FCHSD2: variants seen among roughly 807,000 people sequenced by gnomAD.
FCHSD2 encodes the protein F-BAR and double SH3 domains protein 2.
FCHSD2 carries 38 observed loss-of-function variants against 108.1 expected under a neutral mutation model. That is an observed-to-expected ratio of 0.35 (90% CI 0.27 to 0.46). The LOEUF (loss-of-function observed/expected upper bound fraction) is 0.46. FCHSD2 is among the 20% of genes least tolerant of loss of function. The probability of loss-of-function intolerance (pLI) is 1.00; values close to 1 mark genes in which losing one functional copy is unlikely to be tolerated. For synonymous variants in FCHSD2, 279 were observed against 314.7 expected (o/e 0.89, Z 1.20); for missense variants, 751 against 897.8 (o/e 0.84, Z 2.09).
chr11:73,122,200 A>C (rs1860750689), intron 2 of FCHSD2, among the ~76,000 whole-genome samples: 1 of 152,198 alleles, frequency 6.6e-6, no homozygotes. Flanking sequence ...TGTAGCTCAA[A>C]GCCAAATCAA....
intron 8 of FCHSD2, among the ~76,000 whole-genome samples, chr11:72,948,513 G>A (rs1278277687): frequency 6.6e-6 from 1 of 152,018 alleles, no homozygotes; most frequent in East Asian, 1.9e-4. Flanking sequence ...AAAGAATATA[G>A]TTTATTTTAA....
intron 2 of FCHSD2, among the ~76,000 whole-genome samples, chr11:73,113,453 C>G (rs1860538070): frequency 7.5e-6 from 1 of 132,932 alleles, no homozygotes; most frequent in African/African-American, 2.8e-5. Context: ...ACTGCAACCT[C>G]TGCATCCTGG....
In FCHSD2 at chr11:72,840,154, C is replaced by T. The variant is rs895969304; in HGVS notation, c.2139+723G>A. ...TCCATCCGCCTCTTAGCTGCCATAG[C>T]GATGCTTTAAAAATGCACCAGCCAC... is the stretch of plus-strand genomic sequence containing the variant. On this transcript the variant is annotated intron_variant, in intron 19 of 19. Coordinates refer to ENST00000409418, the MANE Select transcript of FCHSD2 (RefSeq NM_014824.3). Among the ~76,000 whole-genome samples the T allele has an allele frequency of 8.5e-5, 13 of 152,262 alleles. 1 individual carries two copies. The highest frequency in any genetic ancestry group is 6.8e-3 in the Middle Eastern group (2 of 294).
At chr11:73,106,927 T>A (rs1860358696) in intron 2 of FCHSD2, among the ~76,000 whole-genome samples, 2 of 152,240 alleles carry the variant, frequency 1.3e-5, no homozygotes, top group Middle Eastern at 3.4e-3. Flanking sequence ...TCCCTGACAT[T>A]AAGCAACACA....
intron 3 of FCHSD2, among the ~76,000 whole-genome samples, chr11:73,075,380 T>C (rs923226332): frequency 2.0e-5 from 3 of 152,186 alleles, no homozygotes; most frequent in African/African-American, 7.2e-5. Context: ...CCATTCATAA[T>C]GATTGATTAT....
intron 3 of FCHSD2, among the ~76,000 whole-genome samples, chr11:73,040,235 C>T (rs545173776): frequency 2.0e-5 from 3 of 152,314 alleles, no homozygotes; most frequent in South Asian, 2.1e-4. Flanking sequence ...CAAATGCCAA[C>T]CAACCCAGCT....
At chr11:72,903,664 A>G (rs1178249890) in intron 9 of FCHSD2, among the ~76,000 whole-genome samples, 1 of 151,990 alleles carries the variant, frequency 6.6e-6, no homozygotes, top group Non-Finnish European at 1.5e-5. Context: ...CCCACTTTCT[A>G]TTTTGCTACC....
intron 3 of FCHSD2, among the ~76,000 whole-genome samples, chr11:73,035,952 C>T (rs1305812479): frequency 6.6e-6 from 1 of 151,874 alleles, no homozygotes; most frequent in African/African-American, 2.4e-5. Context: ...ATCTCTTGAC[C>T]TTGTGATCCG....
At chr11:73,010,680 T>C (rs1857843709) in intron 4 of FCHSD2, among the ~76,000 whole-genome samples, 1 of 152,226 alleles carries the variant, frequency 6.6e-6, no homozygotes, top group Non-Finnish European at 1.5e-5. Flanking sequence ...TGTAATTTAT[T>C]CAGTGGTTTC....
chr11:73,110,773 GA>G, intron 2 of FCHSD2, among the ~76,000 whole-genome samples: 2 of 152,170 alleles, frequency 1.3e-5, no homozygotes, highest in South Asian at 4.1e-4. Context: ...TCTAGCTGAA[GA>G]TTTTTTTTTC....
At chr11:73,069,310 CAA>C (rs369961395) in intron 3 of FCHSD2, among the ~76,000 whole-genome samples, 30 of 45,988 alleles carry the variant, frequency 6.5e-4, no homozygotes, top group African/African-American at 2.5e-3. Flanking sequence ...AACTCTGTCT[CAA>C]AAAAAAAAAA....
At position 72,985,397 on chromosome 11, in the gene FCHSD2, A is replaced by T. The variant is rs1591458229; in HGVS notation, c.522-281T>A. ...AAAAACTTGACCAAAAAAAAATCAA[A>T]ATATATTGGTGTCTCCTAATAAACA... On this transcript the variant is annotated intron_variant, in intron 6 of 19. Transcript: ENST00000409418. Among the ~76,000 whole-genome samples, 6 of 151,828 alleles carry T rather than the reference A, an allele frequency of 4.0e-5. No homozygotes were observed. The East Asian group carries it at 1.2e-3, about 29-fold the overall frequency.
chr11:73,028,539 T>C (rs1393777309), intron 3 of FCHSD2, among the ~76,000 whole-genome samples: 1 of 152,322 alleles, frequency 6.6e-6, no homozygotes, highest in East Asian at 1.9e-4. Flanking sequence ...AGATGAGACT[T>C]TGGCCTTGGA....
At chr11:73,000,871 T>C (rs2135417475) in intron 5 of FCHSD2, 119 bp downstream of exon 5, 3 of 816,920 alleles carry the variant, frequency 3.7e-6, no homozygotes, top group Non-Finnish European at 5.5e-6. Flanking sequence ...CCTAGTAAAA[T>C]GTCAACCAGA....
intron 12 of FCHSD2, among the ~76,000 whole-genome samples, chr11:72,873,061 G>A (rs919107561): frequency 1.3e-5 from 2 of 151,794 alleles, no homozygotes; most frequent in Non-Finnish European, 1.5e-5. Flanking sequence ...CAGGCACGGT[G>A]GCTCATGCCT....
At chr11:72,945,707 A>AAAAC (rs1856505253) in intron 8 of FCHSD2, among the ~76,000 whole-genome samples, 2 of 151,964 alleles carry the variant, frequency 1.3e-5, no homozygotes, top group African/African-American at 2.4e-5. Flanking sequence ...TTACAAGAAA[A>AAAAC]AAACAACCCC....
intron 2 of FCHSD2, among the ~76,000 whole-genome samples, chr11:73,136,947 G>T (rs1170836983): frequency 6.6e-6 from 1 of 152,030 alleles, no homozygotes; most frequent in Non-Finnish European, 1.5e-5. Context: ...TGAACTGCTT[G>T]TACCCAGGAG....
chr11:72,954,332 C>T (rs985173871), intron 8 of FCHSD2, among the ~76,000 whole-genome samples: 1 of 151,360 alleles, frequency 6.6e-6, no homozygotes, highest in Non-Finnish European at 1.5e-5. Context: ...ACTCAGCCTC[C>T]TGAGTAGCTG....
chr11:73,136,363 C>T (rs1861120198), intron 2 of FCHSD2, among the ~76,000 whole-genome samples: 1 of 151,774 alleles, frequency 6.6e-6, no homozygotes, highest in Non-Finnish European at 1.5e-5. Context: ...AGTTCAAGAC[C>T]AGCCTGAGTA....
Sources: allele counts gnomAD v4.1 joint callset (sites outside exome capture counted in the v4.1 genomes callset), GRCh38; gene constraint gnomAD v4.1.1; transcripts MANE v1.5; gene names NCBI Gene and HGNC (gene_info 2026-07-23, HGNC 2026-07-21).